JAZF1: variants seen among roughly 807,000 people sequenced by gnomAD.
JAZF1 encodes juxtaposed with another zinc finger protein 1.
Under a neutral mutation model 26.4 loss-of-function variants are expected in JAZF1, and 8 were observed. The ratio of observed to expected loss-of-function variants is 0.30; its 90% confidence interval spans 0.18 to 0.55. The LOEUF (loss-of-function observed/expected upper bound fraction) is 0.55. Among genes scored for constraint, JAZF1 ranks in the 20% least tolerant of loss-of-function variants. The pLI is 0.94. For missense variants in JAZF1, 199 were observed against 322.0 expected (o/e 0.62, Z 2.92); for synonymous variants, 126 against 122.3 (o/e 1.03, Z -0.20).
At chr7:27,934,406 A>G (rs1374506422) in intron 2 of JAZF1, among the ~76,000 whole-genome samples, 5 of 152,218 alleles carry the variant, frequency 3.3e-5, no homozygotes, top group Non-Finnish European at 7.3e-5. Context: ...GGGCATTTCA[A>G]TAGCAATAAA....
At chr7:27,974,735 G>C (rs536614067) in intron 2 of JAZF1, among the ~76,000 whole-genome samples, 3 of 152,314 alleles carry the variant, frequency 2.0e-5, no homozygotes, top group African/African-American at 7.2e-5. Flanking sequence ...GTGAAGGCAA[G>C]TTGTGTTTGG....
intron 2 of JAZF1, among the ~76,000 whole-genome samples, chr7:27,964,021 T>C (rs1476056277): frequency 6.6e-6 from 1 of 152,194 alleles, no homozygotes; most frequent in Non-Finnish European, 1.5e-5. Flanking sequence ...GTGATGGCAA[T>C]TGTGAATTTC....
Position 27,968,599 on chromosome 7 carries a change from T to C in JAZF1, c.188+23310A>G, listed in dbSNP as rs569627068. 1.1e-4 allele frequency among the ~76,000 whole-genome samples: 17 copies of C among 152,344 alleles called. No individual in the cohort carries two copies. The South Asian group carries it at 2.9e-3, about 26-fold the overall frequency. On this transcript the variant is annotated intron_variant, in intron 2 of 4. Coordinates refer to ENST00000283928, the MANE Select transcript of JAZF1 (RefSeq NM_175061.4). Reference sequence around the variant, plus strand: ...TGTCTTAGCCCTTGAGACAAATTTATGCCAAACACCAGAAAGTGCTATTTT... The same window carrying C: ...TGTCTTAGCCCTTGAGACAAATTTACGCCAAACACCAGAAAGTGCTATTTT...
At chr7:28,037,463 GAA>G (rs1783313593) in intron 1 of JAZF1, among the ~76,000 whole-genome samples, 1 of 152,134 alleles carries the variant, frequency 6.6e-6, no homozygotes, top group African/African-American at 2.4e-5. Flanking sequence ...ATGACTCAGG[GAA>G]AAAGAGGGGA....
intron 1 of JAZF1, among the ~76,000 whole-genome samples, chr7:28,148,662 A>G (rs1011580880): frequency 1.3e-5 from 2 of 152,218 alleles, no homozygotes; most frequent in South Asian, 2.1e-4. Flanking sequence ...CCATCCATCT[A>G]TTCATTTATT....
At chr7:27,949,170 C>G (rs1784967954) in intron 2 of JAZF1, among the ~76,000 whole-genome samples, 1 of 152,148 alleles carries the variant, frequency 6.6e-6, no homozygotes, top group Non-Finnish European at 1.5e-5. Flanking sequence ...ATACTGACAT[C>G]TGGATTTTGG....
In JAZF1 at chr7:27,830,993, C is replaced by T. The variant is rs1292987186; in HGVS notation, c.*1807G>A. On this transcript the variant is annotated 3_prime_UTR_variant, in exon 5 of 5. Coordinates refer to ENST00000283928, the MANE Select transcript of JAZF1 (RefSeq NM_175061.4). ...GCGAAGCTAAATAATAATTGCTGGC[C>T]TAAAAAATTTTTTTTGGTCAATTGT... 1 of 219,630 alleles carries T rather than the reference C, an allele frequency of 4.6e-6. No homozygotes were observed. The highest frequency in any genetic ancestry group is 6.7e-5 in the East Asian group (1 of 14,846). 13.6% of individuals were successfully genotyped at this position (219,630 alleles called of 1,614,324 possible).
At chr7:27,996,885 A>C (rs1023900124) in intron 1 of JAZF1, among the ~76,000 whole-genome samples, 1 of 152,202 alleles carries the variant, frequency 6.6e-6, no homozygotes, top group African/African-American at 2.4e-5. Flanking sequence ...ACACTGATCT[A>C]TTATTTTTAT....
chr7:28,079,816 C>A (rs1046720385), intron 1 of JAZF1, among the ~76,000 whole-genome samples: 4 of 152,158 alleles, frequency 2.6e-5, no homozygotes, highest in Non-Finnish European at 5.9e-5. Context: ...CATCGGTTTA[C>A]GAACCCTGCT....
At chr7:27,999,495 CA>C (rs2128367214) in intron 1 of JAZF1, among the ~76,000 whole-genome samples, 2 of 152,278 alleles carry the variant, frequency 1.3e-5, no homozygotes, top group African/African-American at 4.8e-5. Flanking sequence ...GGCTGGAAGG[CA>C]AAAACCTGTT....
At chr7:27,886,812 G>A (rs1398877864) in intron 3 of JAZF1, among the ~76,000 whole-genome samples, 1 of 152,158 alleles carries the variant, frequency 6.6e-6, no homozygotes, top group Non-Finnish European at 1.5e-5. Flanking sequence ...AATGTTCATT[G>A]CAGCACTATT....
intron 1 of JAZF1, among the ~76,000 whole-genome samples, chr7:28,174,995 A>C (rs10226758): frequency 0.52 from 75,731 of 145,634 alleles, 32,190 homozygotes; most frequent in East Asian, 0.98. Context: ...TTCATTTATT[A>C]ATTCAGTCAT....
intron 1 of JAZF1, among the ~76,000 whole-genome samples, chr7:28,160,565 A>G (rs563573342): frequency 4.6e-5 from 7 of 152,214 alleles, no homozygotes; most frequent in South Asian, 2.1e-4. Flanking sequence ...AGATTCTCAG[A>G]TGCCCTCGCA....
At chr7:27,872,620 T>C (rs1440092317) in intron 3 of JAZF1, among the ~76,000 whole-genome samples, 1 of 152,154 alleles carries the variant, frequency 6.6e-6, no homozygotes, top group Admixed American at 6.5e-5. Context: ...TTAAAAACAG[T>C]TGAACTGGGG....
At chr7:27,961,087 C>T (rs947650409) in intron 2 of JAZF1, among the ~76,000 whole-genome samples, 1 of 152,214 alleles carries the variant, frequency 6.6e-6, no homozygotes, top group Non-Finnish European at 1.5e-5. Context: ...TAAAAGCTGG[C>T]AGTTTTATTG....
chr7:28,018,314 C>T (rs1782934743), intron 1 of JAZF1, among the ~76,000 whole-genome samples: 1 of 152,168 alleles, frequency 6.6e-6, no homozygotes, highest in Non-Finnish European at 1.5e-5. Flanking sequence ...CTGGGGAAGG[C>T]AGGAGCCAGC....
chr7:27,883,250 G>A (rs1783801962), intron 3 of JAZF1, among the ~76,000 whole-genome samples: 1 of 152,062 alleles, frequency 6.6e-6, no homozygotes, highest in African/African-American at 2.4e-5. Flanking sequence ...ACCCCTGCTG[G>A]GACAAAGAAA....
intron 2 of JAZF1, among the ~76,000 whole-genome samples, chr7:27,942,003 TA>T (rs1401406943): frequency 6.6e-6 from 1 of 152,208 alleles, no homozygotes; most frequent in Non-Finnish European, 1.5e-5. Context: ...TGACGTTGAA[TA>T]AATCACTTCA....
chr7:27,871,220 T>G (rs1167297746), intron 3 of JAZF1, among the ~76,000 whole-genome samples: 1 of 152,226 alleles, frequency 6.6e-6, no homozygotes, highest in Non-Finnish European at 1.5e-5. Flanking sequence ...AAATGGCTCA[T>G]TTTTCAAATC....
Sources: allele counts gnomAD v4.1 joint callset (sites outside exome capture counted in the v4.1 genomes callset), GRCh38; gene constraint gnomAD v4.1.1; transcripts MANE v1.5; gene names NCBI Gene and HGNC (gene_info 2026-07-23, HGNC 2026-07-21).